ZNF503: variants seen among roughly 807,000 people sequenced by gnomAD.
ZNF503 encodes NocA-like zinc finger 2.
A neutral mutation model predicts 34.4 loss-of-function variants in ZNF503; 15 were observed. That is an observed-to-expected ratio of 0.44 (90% CI 0.29 to 0.67). The LOEUF (loss-of-function observed/expected upper bound fraction) is 0.67, where lower values mean the gene tolerates loss of function less well. Ranked by LOEUF, ZNF503 falls within the 30% of genes least tolerant of loss-of-function variation. The probability of loss-of-function intolerance (pLI) is 0.13; values close to 1 mark genes in which losing one functional copy is unlikely to be tolerated. For synonymous variants in ZNF503, 580 were observed against 456.8 expected (o/e 1.27, Z -3.44); for missense variants, 1,007 against 926.8 (o/e 1.09, Z -1.12).
chr10:75,334,664 C>A, the ZNF503 span, among the ~76,000 whole-genome samples: 3 of 152,080 alleles, frequency 2.0e-5, no homozygotes, highest in African/African-American at 7.2e-5. Context: ...TAAGGTTAGG[C>A]CTTATTTTAA....
At chr10:75,350,376 A>G in the ZNF503 span, 1 of 152,226 alleles carries the variant, frequency 6.6e-6, no homozygotes. Context: ...GAGAAAGCAG[A>G]AGCCATCCTG....
chr10:75,316,153 T>C, the ZNF503 span, among the ~76,000 whole-genome samples: 1 of 152,120 alleles, frequency 6.6e-6, no homozygotes, highest in African/African-American at 2.4e-5. Flanking sequence ...CTTTCAACAA[T>C]GGATAGAACA....
chr10:75,401,578 C>A lies in ZNF503; in HGVS notation c.-159G>T. ...AGCGCGCCTTCTCGGCGCCTGGAGC[C>A]AGACGCGAGTAATCCTGGGTGGCCC... On this transcript the variant is annotated 5_prime_UTR_variant, in exon 1 of 2. Transcript: ENST00000372524. 1 of 835,118 alleles carries A rather than the reference C, an allele frequency of 1.2e-6. No homozygotes were observed. The highest frequency in any genetic ancestry group is 1.8e-6 in the Non-Finnish European group (1 of 540,612). 51.7% of individuals were successfully genotyped at this position (835,118 alleles called of 1,614,324 possible). A position where few individuals can be genotyped will look rare whatever the true frequency, so the allele number is the denominator to read the frequency against.
chr10:75,290,529 T>C, the ZNF503 span, among the ~76,000 whole-genome samples: 1 of 152,306 alleles, frequency 6.6e-6, no homozygotes, highest in Non-Finnish European at 1.5e-5. Context: ...TGCCACATTT[T>C]ATTGGTGGAA....
chr10:75,331,405 G>A, the ZNF503 span, among the ~76,000 whole-genome samples: 2 of 152,204 alleles, frequency 1.3e-5, no homozygotes, highest in Non-Finnish European at 2.9e-5. Context: ...GGATGTTGAA[G>A]TCCCCAACTA....
the ZNF503 span, among the ~76,000 whole-genome samples, chr10:75,299,326 G>T: frequency 6.6e-6 from 1 of 152,112 alleles, no homozygotes; most frequent in Non-Finnish European, 1.5e-5. Context: ...TGGATATCCA[G>T]TTGTCCCCCA....
At chr10:75,294,492 A>G in the ZNF503 span, among the ~76,000 whole-genome samples, 88 of 152,236 alleles carry the variant, frequency 5.8e-4, no homozygotes, top group African/African-American at 2.0e-3. Flanking sequence ...ATTTTTTTGC[A>G]TGGGTGAAAA....
chr10:75,371,586 G>A, the ZNF503 span, among the ~76,000 whole-genome samples: 6 of 152,102 alleles, frequency 3.9e-5, no homozygotes, highest in African/African-American at 1.4e-4. Context: ...CTTCTTTCTC[G>A]GGTCTCAGCA....
the ZNF503 span, among the ~76,000 whole-genome samples, chr10:75,331,834 T>C: frequency 6.6e-6 from 1 of 152,310 alleles, no homozygotes; most frequent in South Asian, 2.1e-4. Context: ...ATTTGCTTGA[T>C]ATAGCAGGTG....
At chr10:75,366,951 G>A in the ZNF503 span, among the ~76,000 whole-genome samples, 57 of 152,252 alleles carry the variant, frequency 3.7e-4, no homozygotes, top group Non-Finnish European at 4.1e-4. Context: ...CCCCTTTCCT[G>A]ATTCACTTCC....
At chr10:75,298,093 T>C in the ZNF503 span, among the ~76,000 whole-genome samples, 1 of 152,198 alleles carries the variant, frequency 6.6e-6, no homozygotes, top group Non-Finnish European at 1.5e-5. Context: ...AGAATCCTCC[T>C]GAGTCAATTT....
At chr10:75,369,991 C>A in the ZNF503 span, among the ~76,000 whole-genome samples, 3 of 151,444 alleles carry the variant, frequency 2.0e-5, no homozygotes, top group African/African-American at 7.3e-5. Context: ...CGCTTGAACC[C>A]GGGAGGTGGA....
chr10:75,382,636 G>A, the ZNF503 span: 1 of 374,204 alleles, frequency 2.7e-6, no homozygotes, highest in Non-Finnish European at 5.3e-6. Context: ...ATGCATGACT[G>A]TTCTAGAAGC....
the ZNF503 span, among the ~76,000 whole-genome samples, chr10:75,296,915 C>G: frequency 6.6e-6 from 1 of 152,114 alleles, no homozygotes. Flanking sequence ...ATTTTGACCC[C>G]TGCTAAAAAT....
the ZNF503 span, among the ~76,000 whole-genome samples, chr10:75,381,706 C>T: frequency 4.7e-5 from 7 of 150,366 alleles, no homozygotes; most frequent in South Asian, 1.5e-3. Flanking sequence ...TCCTGGGCTG[C>T]CTCCAGATTT....
Position 75,399,262 on chromosome 10 carries a change from G to T in ZNF503, c.1428C>A (p.His476Gln), listed in dbSNP as rs781484126. 3 of 1,596,408 alleles carry T rather than the reference G, an allele frequency of 1.9e-6. No individual in the cohort carries two copies. The highest frequency in any genetic ancestry group is 2.6e-6 in the Non-Finnish European group (3 of 1,171,958). Residue 476 changes from histidine to glutamine, a missense_variant, in exon 2 of 2, where the codon CAC becomes CAA. His to Gln is a conservative substitution (Grantham distance 24). Transcript: ENST00000372524. ...CGGCCGTTAGCGAGGAGTGCACACC[G>T]TGCAGCGGGTGCGTGGGGTACACCA... Reference protein sequence around the residue: ...YPLVYPTHPLHGVHSSLTAAA... With the variant: ...YPLVYPTHPLQGVHSSLTAAA...
the ZNF503 span, among the ~76,000 whole-genome samples, chr10:75,309,757 C>A: frequency 6.6e-6 from 1 of 152,110 alleles, no homozygotes; most frequent in Admixed American, 6.6e-5. Context: ...TGAGAGATGA[C>A]TATATTTTTT....
At chr10:75,327,205 T>G in the ZNF503 span, among the ~76,000 whole-genome samples, 1 of 152,228 alleles carries the variant, frequency 6.6e-6, no homozygotes, top group Non-Finnish European at 1.5e-5. Flanking sequence ...TACTTTGATA[T>G]CTGTTAACCA....
the ZNF503 span, among the ~76,000 whole-genome samples, chr10:75,356,256 G>A: frequency 6.6e-5 from 10 of 152,082 alleles, no homozygotes; most frequent in East Asian, 5.8e-4. Flanking sequence ...TCACTCTGTC[G>A]CCCAGGCTGG....
Sources: gnomAD v4.1 joint callset for allele counts (sites outside exome capture counted in the v4.1 genomes callset) on GRCh38, gnomAD v4.1.1 for gene constraint, MANE v1.5 for transcripts, NCBI Gene and HGNC (gene_info 2026-07-23, HGNC 2026-07-21) for gene names.